Variants in CD96 observed in about 807,000 individuals in gnomAD.
CD96 encodes T-cell surface protein tactile.
A neutral mutation model predicts 71.3 loss-of-function variants in CD96; 70 were observed. The ratio of observed to expected loss-of-function variants is 0.98; its 90% CI spans 0.81 to 1.20. The LOEUF (loss-of-function observed/expected upper bound fraction) is 1.20, where lower values mean the gene tolerates loss of function less well. Ranked by LOEUF, CD96 falls within the 50% of genes most tolerant of loss-of-function variation. The pLI, the probability that CD96 is intolerant of heterozygous loss-of-function variation, is 0.00. For missense variants in CD96, 742 were observed against 677.5 expected, an observed-to-expected ratio of 1.10 and a Z score of -1.06; for synonymous variants, 248 against 233.0, an observed-to-expected ratio of 1.06 and a Z score of -0.59.
intron 8 of CD96, among the ~76,000 whole-genome samples, chr3:111,607,673 C>G (rs1448642786): frequency 1.3e-5 from 2 of 152,154 alleles, no homozygotes; most frequent in Non-Finnish European, 2.9e-5. Flanking sequence ...TGAACAATTC[C>G]TTTGGCTGGT....
At chr3:111,602,902 A>G (rs768962517) in intron 7 of CD96, among the ~76,000 whole-genome samples, 14 of 152,270 alleles carry the variant, frequency 9.2e-5, no homozygotes, top group South Asian at 2.1e-4. Context: ...GCTCTCTTTG[A>G]TCCCTTTTGC....
At chr3:111,662,698 C>T (rs981965489) in intron 14 of CD96, among the ~76,000 whole-genome samples, 4 of 152,230 alleles carry the variant, frequency 2.6e-5, no homozygotes, top group Admixed American at 2.6e-4. Flanking sequence ...GTTACCTTTA[C>T]TCCAGTTCCC....
At chr3:111,628,090 GA>G (rs889939472) in intron 10 of CD96, among the ~76,000 whole-genome samples, 3 of 151,464 alleles carry the variant, frequency 2.0e-5, no homozygotes, top group East Asian at 1.9e-4. Context: ...AAAAGAAAAA[GA>G]AAAAAAACAA....
rs557620368 is a variant in CD96, at chr3:111,545,115, C to T, written c.131C>T (p.Thr44Ile). 332 of 1,614,190 alleles carry T rather than the reference C, an allele frequency of 2.1e-4. 4 individuals are homozygous for T. The South Asian group carries it at 3.5e-3, about 17-fold the overall frequency. ...YATLGSDVNL[T>I]CQTQTVGFFV... ...ACACTTGGCTCTGATGTCAACCTGA[C>T]CTGCCAAACACAGACAGTAGGCTTC... Residue 44 changes from threonine (T) to isoleucine (I), a missense_variant, in exon 2 of 14, where the codon ACC becomes ATC. Coordinates refer to ENST00000352690, the MANE Select transcript of CD96 (RefSeq NM_005816.5).
intron 2 of CD96, among the ~76,000 whole-genome samples, chr3:111,560,275 C>T (rs1007832743): frequency 3.3e-5 from 5 of 151,642 alleles, no homozygotes; most frequent in Non-Finnish European, 7.4e-5. Context: ...TGATTTTGCT[C>T]GTTAGTTGAC....
chr3:111,621,786 G>A (rs766319236), intron 8 of CD96, among the ~76,000 whole-genome samples: 1 of 152,126 alleles, frequency 6.6e-6, no homozygotes. Flanking sequence ...ACCCCTCCCC[G>A]CATCGTATTA....
At chr3:111,563,573 G>A (rs993115248) in intron 2 of CD96, among the ~76,000 whole-genome samples, 7 of 151,908 alleles carry the variant, frequency 4.6e-5, no homozygotes, top group South Asian at 2.1e-4. Flanking sequence ...CAATTTCCAC[G>A]GCCCTAAAAT....
chr3:111,663,908 G>A (rs574636768), intron 14 of CD96, among the ~76,000 whole-genome samples: 30 of 152,042 alleles, frequency 2.0e-4, no homozygotes, highest in East Asian at 1.7e-3. Flanking sequence ...GCCACCACAC[G>A]CCCAGAAATT....
chr3:111,629,411 A>G (rs989696495), intron 10 of CD96, among the ~76,000 whole-genome samples: 2 of 152,188 alleles, frequency 1.3e-5, no homozygotes, highest in African/African-American at 2.4e-5. Flanking sequence ...TAAAAAAAAA[A>G]GACAAAGAAG....
At chr3:111,612,802 T>C (rs562623525) in intron 8 of CD96, 2 of 910,068 alleles carry the variant, frequency 2.2e-6, no homozygotes, top group East Asian at 2.4e-4. Context: ...CCTATGCTTA[T>C]ATTAATCTCT....
chr3:111,603,247 G>C (rs188480664), intron 7 of CD96, among the ~76,000 whole-genome samples: 1 of 152,102 alleles, frequency 6.6e-6, no homozygotes, highest in African/African-American at 2.4e-5. Context: ...TTCAAGATCA[G>C]CCTGGACAAT....
Position 111,567,550 on chromosome 3 carries a change from A to G in CD96, c.446A>G (p.His149Arg), listed in dbSNP as rs1935776091. The change falls in exon 3 of 14, where the codon CAT becomes CGT. Residue 149 changes from histidine to arginine, a missense_variant. Coordinates refer to ENST00000352690, the MANE Select transcript of CD96 (RefSeq NM_005816.5). ...HVTADEWNSN[H>R]TIEIEINQTL... ...ACAGCAGATGAATGGAACAGCAACC[A>G]TACGATAGAAATAGAGATAAATCAG... 1 of 1,605,008 alleles carries G rather than the reference A, an allele frequency of 6.2e-7. No homozygotes were observed. The highest frequency in any genetic ancestry group is 8.5e-7 in the Non-Finnish European group (1 of 1,171,800).
chr3:111,592,661 A>T lies in CD96; in HGVS notation c.808-5459A>T, dbSNP rs184797830. ...TTCTTTATTTCTCCTTACTTCCTTT[A>T]TATCTCTGCCTTCTTTTCATTCTGA... On this transcript the variant is annotated intron_variant, in intron 5 of 13. Transcript: ENST00000352690. 1.9e-3 allele frequency among the ~76,000 whole-genome samples: 286 copies of T among 151,974 alleles called. No homozygotes were observed. In the Middle Eastern group the frequency reaches 0.027, roughly 14 times the overall value.
rs1940030928 is a variant in CD96 at position 111,650,546 on chromosome 3, G to A, written c.*740G>A. 4 of 152,572 alleles carry A rather than the reference G, an allele frequency of 2.6e-5. No individual in the cohort carries two copies. The South Asian group carries it at 8.3e-4, about 32-fold the overall frequency. 9.5% of individuals were successfully genotyped at this position (152,572 alleles called of 1,614,324 possible). Reference sequence around the variant, plus strand: ...AGAGTGGTTTCATTTGAGTGCCTTCGTGTGTATGTCCATCAAACTGGAACC... The same window carrying A: ...AGAGTGGTTTCATTTGAGTGCCTTCATGTGTATGTCCATCAAACTGGAACC... On this transcript the variant is annotated 3_prime_UTR_variant, in exon 14 of 14. Coordinates refer to ENST00000352690, the MANE Select transcript of CD96 (RefSeq NM_005816.5).
intron 8 of CD96, among the ~76,000 whole-genome samples, chr3:111,609,202 T>A (rs1404996619): frequency 6.6e-6 from 1 of 152,126 alleles, no homozygotes; most frequent in Non-Finnish European, 1.5e-5. Flanking sequence ...AGTAGATAAG[T>A]TTGGATCAAA....
rs184155003 is a variant in CD96, at chr3:111,649,662, A to G, written c.1602-36A>G. ...TGTGTGTGTGCATAAGACTCCCTCA[A>G]TTCTTAGCATTGAAAGACCAATATT... is the stretch of plus-strand genomic sequence containing the variant. On this transcript the variant is annotated intron_variant, in intron 13 of 13. Coordinates refer to ENST00000352690, the MANE Select transcript of CD96 (RefSeq NM_005816.5). The G allele has an allele frequency of 7.8e-4, 987 of 1,263,974 alleles. 9 individuals are homozygous for G. The Middle Eastern group carries it at 0.013, about 17-fold the overall frequency. The allele number at this position is 1,263,974 out of a possible 1,614,324, so 78.3% of individuals were successfully genotyped here.
In CD96 at chr3:111,624,243, T is replaced by A. The variant is rs940746461; in HGVS notation, c.1250-90T>A. 5.6e-5 allele frequency: 49 copies of A among 870,382 alleles called. No individual in the cohort carries two copies. The Admixed American group carries it at 7.5e-4, about 13-fold the overall frequency. 53.9% of individuals were successfully genotyped at this position (870,382 alleles called of 1,614,324 possible). A position where few individuals can be genotyped will look rare whatever the true frequency, so the allele number is the denominator to read the frequency against. On this transcript the variant is annotated intron_variant, in intron 9 of 13. Coordinates refer to ENST00000352690, the MANE Select transcript of CD96 (RefSeq NM_005816.5). ...TTTTCAATTTCAGATTTCCCCAAAGTCACATAGATTAAAAATTCTGTGCAT... is the reference window on the plus strand; with the variant it reads ...TTTTCAATTTCAGATTTCCCCAAAGACACATAGATTAAAAATTCTGTGCAT...
intron 2 of CD96, among the ~76,000 whole-genome samples, chr3:111,562,880 GGTCTAGCACT>G (rs1208371922): frequency 6.6e-6 from 1 of 152,176 alleles, no homozygotes. Context: ...AGGTCTTTCT[GGTCTAGCACT>G]GTCTTTGTTT....
chr3:111,615,421 G>A (rs942551136), intron 8 of CD96, among the ~76,000 whole-genome samples: 1 of 152,220 alleles, frequency 6.6e-6, no homozygotes, highest in East Asian at 1.9e-4. Context: ...AAAAGCAACA[G>A]AAGAGACTAA....
Sources: gnomAD v4.1 joint callset for allele counts (sites outside exome capture counted in the v4.1 genomes callset) on GRCh38, gnomAD v4.1.1 for gene constraint, MANE v1.5 for transcripts, NCBI Gene and HGNC (gene_info 2026-07-23, HGNC 2026-07-21) for gene names.